Variants in RFT1 observed in about 807,000 individuals in gnomAD.
RFT1 encodes man(5)GlcNAc(2)-PP-dolichol translocation protein RFT1.
A neutral mutation model predicts 62.2 loss-of-function variants in RFT1; 43 were observed. That is an observed-to-expected ratio of 0.69 (90% CI 0.54 to 0.89). RFT1 has a LOEUF of 0.89. Among genes scored for constraint, RFT1 ranks in the 40% least tolerant of loss-of-function variants. The pLI, the probability that RFT1 is intolerant of heterozygous loss-of-function variation, is 0.00. For synonymous variants in RFT1, 262 were observed against 264.6 expected, an observed-to-expected ratio of 0.99 and a Z score of 0.10; for missense variants, 605 against 649.9, an observed-to-expected ratio of 0.93 and a Z score of 0.75.
At chr3:53,123,032 G>A (rs571438294) in intron 3 of RFT1, among the ~76,000 whole-genome samples, 1 of 152,348 alleles carries the variant, frequency 6.6e-6, no homozygotes, top group East Asian at 1.9e-4. Context: ...TGTTTCACAT[G>A]TGTACCATGG....
chr3:53,104,154 C>T (rs1559586619), intron 9 of RFT1, 57 bp from the exon 10 acceptor site: 2 of 1,579,036 alleles, frequency 1.3e-6, no homozygotes, highest in East Asian at 4.5e-5. Context: ...AGAAAACCTT[C>T]ATCCTTCACG....
chr3:53,121,625 G>A (rs879896841), intron 5 of RFT1, 74 bp downstream of exon 5: 11 of 1,185,444 alleles, frequency 9.3e-6, no homozygotes, highest in East Asian at 5.1e-5. Context: ...CAGACCACAC[G>A]GCGGTGGGAA....
In RFT1 at chr3:53,092,351, T is replaced by A. The variant is rs373019694; in HGVS notation, c.1458+18A>T. On this transcript the variant is annotated intron_variant, in intron 12 of 12. Transcript: ENST00000296292. ...GCAGCTGCAGAAGCATGTGGCATGA[T>A]GGCTCAGGGAGTCTCACCTCCGAAA... The A allele has an allele frequency of 1.1e-4, 176 of 1,590,982 alleles. No homozygotes were observed. Among genetic ancestry groups the A allele is most frequent in the Non-Finnish European group, 1.5e-4 (170 of 1,169,364 alleles).
intron 6 of RFT1, among the ~76,000 whole-genome samples, chr3:53,115,681 C>T (rs567447791): frequency 6.6e-6 from 1 of 152,336 alleles, no homozygotes; most frequent in African/African-American, 2.4e-5. Flanking sequence ...GTCACGAATG[C>T]CCATCTCTAC....
At chr3:53,110,675 A>G (rs1701623408) in intron 7 of RFT1, among the ~76,000 whole-genome samples, 1 of 152,192 alleles carries the variant, frequency 6.6e-6, no homozygotes, top group Admixed American at 6.5e-5. Flanking sequence ...ATAAAATAAC[A>G]AGATAATAAC....
At chr3:53,085,987 T>G (rs1487847304), downstream of RFT1, 1 of 152,248 alleles carries the variant, frequency 6.6e-6, no homozygotes, top group East Asian at 1.9e-4. Context: ...TGAGTAACAC[T>G]AAATAATGGG....
chr3:53,074,134 C>T, the RFT1 span, among the ~76,000 whole-genome samples: 1 of 152,170 alleles, frequency 6.6e-6, no homozygotes, highest in Non-Finnish European at 1.5e-5. Flanking sequence ...AGGATCCCTA[C>T]TGGCCCCTCT....
chr3:53,129,322 A>C (rs542428725), intron 1 of RFT1, among the ~76,000 whole-genome samples: 2 of 152,326 alleles, frequency 1.3e-5, no homozygotes, highest in South Asian at 4.1e-4. Flanking sequence ...GATTTCATCT[A>C]ATCTTCCTAA....
In RFT1 at chr3:53,123,775, C is replaced by A; in HGVS notation, c.215G>T (p.Ser72Ile). 1 of 1,614,222 alleles carries A rather than the reference C, an allele frequency of 6.2e-7. No individual in the cohort carries two copies. Among genetic ancestry groups the A allele is most frequent in the Non-Finnish European group, 8.5e-7 (1 of 1,180,034 alleles). The change falls in exon 3 of 13, where the codon AGT (serine) becomes ATT (isoleucine). Residue 72 changes from serine (S) to isoleucine (I), a missense_variant. Coordinates refer to ENST00000296292, the MANE Select transcript of RFT1 (RefSeq NM_052859.4). ...GCTCCAGTCTCGCTGGGTGCCCCCA[C>A]TGAGACATGCTCTGCGGAAGGCCTC... ...AREAFRRACL[S>I]GGTQRDWSQT...
Position 53,125,908 on chromosome 3 carries a change from C to T in RFT1, c.149+1G>A. ...CAGTGCCAGGGTGCATCTCCTCCTACCTTACATTTACTACGCCAACGATTT... is the reference window on the plus strand; with the variant it reads ...CAGTGCCAGGGTGCATCTCCTCCTATCTTACATTTACTACGCCAACGATTT... On this transcript the variant is annotated splice_donor_variant, in intron 2 of 12. Transcript: ENST00000296292. LOFTEE classifies it high-confidence loss of function. 6.2e-7 allele frequency: 1 copy of T among 1,612,568 alleles called. No individual in the cohort carries two copies. Among genetic ancestry groups the T allele is most frequent in the Non-Finnish European group, 8.5e-7 (1 of 1,178,828 alleles).
chr3:53,099,556 G>A, intron 10 of RFT1, 70 bp from the exon 11 acceptor site: 2 of 1,204,818 alleles, frequency 1.7e-6, no homozygotes, highest in South Asian at 1.2e-5. Context: ...CAGTGCTGCT[G>A]AGTACCCAGA....
intron 5 of RFT1, 104 bp downstream of exon 5, chr3:53,121,595 A>G (rs1701969035): frequency 7.8e-6 from 7 of 896,270 alleles, no homozygotes; most frequent in South Asian, 7.1e-5. Flanking sequence ...CCTCCTGCAC[A>G]GGCATGGGTA....
chr3:53,115,325 G>A (rs996811061), intron 6 of RFT1, among the ~76,000 whole-genome samples: 1 of 152,088 alleles, frequency 6.6e-6, no homozygotes, highest in African/African-American at 2.4e-5. Flanking sequence ...CCTGTCTCAT[G>A]GAGCCAGTAT....
At chr3:53,088,115 T>G (rs1402174855), downstream of RFT1, among the ~76,000 whole-genome samples, 1 of 152,230 alleles carries the variant, frequency 6.6e-6, no homozygotes, top group African/African-American at 2.4e-5. Flanking sequence ...CCCTGCTCTG[T>G]GCTGAAACTA....
At chr3:53,125,702 G>GA (rs1282693612) in intron 2 of RFT1, among the ~76,000 whole-genome samples, 4 of 152,188 alleles carry the variant, frequency 2.6e-5, no homozygotes, top group African/African-American at 9.6e-5. Context: ...GCTGCTAATG[G>GA]AAAACACTCC....
At chr3:53,077,370 T>C in the RFT1 span, among the ~76,000 whole-genome samples, 1 of 152,068 alleles carries the variant, frequency 6.6e-6, no homozygotes, top group Non-Finnish European at 1.5e-5. Flanking sequence ...TCAAAGACCT[T>C]CCCCAAGCAC....
At chr3:53,083,356 TAAA>T in the RFT1 span, among the ~76,000 whole-genome samples, 141 of 138,068 alleles carry the variant, frequency 1.0e-3, no homozygotes, top group Middle Eastern at 3.7e-3. Context: ...TACTAAAAAT[TAAA>T]AAAAAAAAAA....
At chr3:53,129,916 C>A (rs545084823) in intron 1 of RFT1, among the ~76,000 whole-genome samples, 1 of 152,304 alleles carries the variant, frequency 6.6e-6, no homozygotes, top group South Asian at 2.1e-4. Flanking sequence ...CCAGATTTCT[C>A]TTCTTAGCTA....
intron 1 of RFT1, among the ~76,000 whole-genome samples, chr3:53,128,023 C>T (rs1205798319): frequency 3.3e-5 from 5 of 151,942 alleles, no homozygotes; most frequent in South Asian, 2.1e-4. Context: ...AAAATCCGAG[C>T]GCGGTAGCTC....
Sources: allele counts gnomAD v4.1 joint callset (sites outside exome capture counted in the v4.1 genomes callset), GRCh38; gene constraint gnomAD v4.1.1; transcripts MANE v1.5; gene names NCBI Gene and HGNC (gene_info 2026-07-23, HGNC 2026-07-21).